Variants in DTWD2 observed in about 807,000 individuals in gnomAD.
DTWD2 encodes the protein DTW motif tRNA-uridine aminocarboxypropyltransferase 2.
DTWD2 carries 39 observed loss-of-function variants against 31.8 expected under a neutral mutation model. The ratio of observed to expected loss-of-function variants is 1.22; its 90% CI spans 0.95 to 1.60. The LOEUF (loss-of-function observed/expected upper bound fraction) is 1.60, where lower values mean the gene tolerates loss of function less well. Ranked by LOEUF, DTWD2 falls within the 40% of genes most tolerant of loss-of-function variation. The pLI, the probability that DTWD2 is intolerant of heterozygous loss-of-function variation, is 0.00. For missense variants in DTWD2, 515 were observed against 381.5 expected, an observed-to-expected ratio of 1.35 and a Z score of -2.92; for synonymous variants, 180 against 142.8, an observed-to-expected ratio of 1.26 and a Z score of -1.86.
At chr5:118,983,649 C>G (rs1755357786) in intron 1 of DTWD2, among the ~76,000 whole-genome samples, 1 of 152,304 alleles carries the variant, frequency 6.6e-6, no homozygotes, top group East Asian at 1.9e-4. Flanking sequence ...CATCCTGTTA[C>G]TAACTTAAAA....
intron 4 of DTWD2, among the ~76,000 whole-genome samples, chr5:118,885,747 A>T (rs1752848664): frequency 6.6e-6 from 1 of 151,626 alleles, no homozygotes; most frequent in Non-Finnish European, 1.5e-5. Flanking sequence ...GCCTGGGCAA[A>T]AAGAGTGAAA....
At chr5:118,924,400 G>A (rs184766853) in intron 4 of DTWD2, among the ~76,000 whole-genome samples, 77 of 152,168 alleles carry the variant, frequency 5.1e-4, no homozygotes, top group African/African-American at 1.7e-3. Context: ...GAACCTCACC[G>A]GTACATGATC....
intron 4 of DTWD2, among the ~76,000 whole-genome samples, chr5:118,862,170 A>C (rs539059344): frequency 1.3e-5 from 2 of 152,332 alleles, no homozygotes; most frequent in South Asian, 4.1e-4. Context: ...TGAGGATCTA[A>C]CTAATGCCTG....
At chr5:118,932,678 G>C (rs942829205) in intron 3 of DTWD2, among the ~76,000 whole-genome samples, 7 of 152,162 alleles carry the variant, frequency 4.6e-5, no homozygotes, top group African/African-American at 1.7e-4. Flanking sequence ...AAGAAGAGAT[G>C]GCAGGGGCAC....
At chr5:118,984,804 C>G (rs1251294345) in intron 1 of DTWD2, among the ~76,000 whole-genome samples, 2 of 152,094 alleles carry the variant, frequency 1.3e-5, no homozygotes, top group Non-Finnish European at 2.9e-5. Context: ...TATGACTCAT[C>G]CTCAAATGCA....
At chr5:118,885,800 AT>A (rs1488351714) in intron 4 of DTWD2, among the ~76,000 whole-genome samples, 1 of 151,392 alleles carries the variant, frequency 6.6e-6, no homozygotes, top group Non-Finnish European at 1.5e-5. Context: ...AAAAATAAAT[AT>A]AAAAAATAAA....
In DTWD2 at chr5:118,981,176, C is replaced by G. The variant is rs565673857; in HGVS notation, c.218+7118G>C. On this transcript the variant is annotated intron_variant, in intron 1 of 5. Transcript: ENST00000510708. Reference sequence around the variant, plus strand: ...AAACAAAAAGTAGAATAGAGGTTACCAGGGTCTCAGGGGAGGGAAAAATAG... The same window carrying G: ...AAACAAAAAGTAGAATAGAGGTTACGAGGGTCTCAGGGGAGGGAAAAATAG... 1.4e-3 allele frequency among the ~76,000 whole-genome samples: 213 copies of G among 152,086 alleles called. 1 individual carries two copies. The highest frequency in any genetic ancestry group is 4.5e-3 in the African/African-American group (185 of 41,486).
chr5:118,848,570 C>T (rs887355197), intron 4 of DTWD2, among the ~76,000 whole-genome samples: 3 of 152,102 alleles, frequency 2.0e-5, no homozygotes, highest in African/African-American at 7.2e-5. Flanking sequence ...AATGGGGTAA[C>T]ATTTCACACT....
chr5:118,915,488 C>A (rs1383514567), intron 4 of DTWD2, among the ~76,000 whole-genome samples: 1 of 151,868 alleles, frequency 6.6e-6, no homozygotes, highest in African/African-American at 2.4e-5. Context: ...CATTCTCCTG[C>A]CTCAGCCTCC....
intron 4 of DTWD2, among the ~76,000 whole-genome samples, chr5:118,872,706 T>G (rs913165628): frequency 1.3e-5 from 2 of 152,110 alleles, no homozygotes; most frequent in African/African-American, 4.8e-5. Context: ...AATGAAAAAG[T>G]TTGAAACATT....
At chr5:118,973,656 CGGCAGCCTCCTTGCTCG>C in intron 1 of DTWD2, 1 of 840,788 alleles carries the variant, frequency 1.2e-6, no homozygotes, top group South Asian at 1.5e-5. Flanking sequence ...TCCTTGCTCG[CGGCAGCCTCCTTGCTCG>C]CCGCAGCCGC....
chr5:118,977,950 C>T (rs1755203711), intron 1 of DTWD2, among the ~76,000 whole-genome samples: 1 of 152,190 alleles, frequency 6.6e-6, no homozygotes, highest in South Asian at 2.1e-4. Context: ...TGACTTCAAA[C>T]TATACTACAA....
At chr5:118,878,437 G>T (rs979920307) in intron 4 of DTWD2, among the ~76,000 whole-genome samples, 2 of 152,178 alleles carry the variant, frequency 1.3e-5, no homozygotes, top group Non-Finnish European at 2.9e-5. Flanking sequence ...AATAAATGGT[G>T]CTAGGATAAC....
rs778656438 is a variant in DTWD2, at chr5:118,939,241, T to TG, written c.358dup (p.Gln120ProfsTer5). Reference sequence around the variant, plus strand: ...ACCGATCTTCACTTTACACTTGTCCTGGGGGAGGCATGCTGCTAGTAGAGG... The same window carrying TG: ...ACCGATCTTCACTTTACACTTGTCCTGGGGGGAGGCATGCTGCTAGTAGAGG... On this transcript the variant is annotated frameshift_variant, in exon 3 of 6. Transcript: ENST00000510708. LOFTEE classifies it high-confidence loss of function. 4.4e-6 allele frequency: 7 copies of TG among 1,604,086 alleles called. No homozygotes were observed. Among genetic ancestry groups the TG allele is most frequent in the Non-Finnish European group, 6.0e-6 (7 of 1,174,682 alleles).
intron 2 of DTWD2, among the ~76,000 whole-genome samples, chr5:118,942,248 G>A (rs74527701): frequency 0.011 from 1,660 of 152,252 alleles, 25 homozygotes; most frequent in African/African-American, 0.038. Flanking sequence ...AGTGGTTCAC[G>A]CCTATAGTCC....
intron 1 of DTWD2, among the ~76,000 whole-genome samples, chr5:118,982,890 T>C (rs1299963182): frequency 2.0e-5 from 3 of 151,904 alleles, no homozygotes; most frequent in Non-Finnish European, 4.4e-5. Context: ...GGTTTCACCA[T>C]GCTGGTCAGG....
rs371586781 is a variant in DTWD2 at position 118,897,973 on chromosome 5, C to T, written c.597+30564G>A. Among the ~76,000 whole-genome samples, 68 of 152,200 alleles carry T rather than the reference C, an allele frequency of 4.5e-4. No individual in the cohort carries two copies. The East Asian group carries it at 7.7e-3, about 17-fold the overall frequency. On this transcript the variant is annotated intron_variant, in intron 4 of 5. Transcript: ENST00000510708. ...TGACTTCCTGAGCTCAGGTGATCCT[C>T]CCACCTCAGCTTCCCAAGTAGCTGG...
intron 4 of DTWD2, among the ~76,000 whole-genome samples, chr5:118,895,399 A>G (rs1753063792): frequency 6.6e-6 from 1 of 152,228 alleles, no homozygotes; most frequent in Non-Finnish European, 1.5e-5. Flanking sequence ...GTGCTCATGG[A>G]TTGGAAGAAT....
At chr5:118,898,345 G>C (rs1238724249) in intron 4 of DTWD2, among the ~76,000 whole-genome samples, 1 of 152,062 alleles carries the variant, frequency 6.6e-6, no homozygotes, top group Non-Finnish European at 1.5e-5. Flanking sequence ...ATGAATCCCT[G>C]ATCAGCAAAG....
Sources: gnomAD v4.1 joint callset for allele counts (sites outside exome capture counted in the v4.1 genomes callset) on GRCh38, gnomAD v4.1.1 for gene constraint, MANE v1.5 for transcripts, NCBI Gene and HGNC (gene_info 2026-07-23, HGNC 2026-07-21) for gene names.